The following KAZN variants were observed in gnomAD, a reference collection of about 807,000 sequenced individuals.
The protein encoded by KAZN is kazrin, periplakin interacting protein.
In KAZN, 40 loss-of-function variants were observed where a neutral mutation model predicts 87.4. The observed-to-expected ratio is 0.46, with a 90% CI of 0.36 to 0.60. The LOEUF (loss-of-function observed/expected upper bound fraction) is 0.60, where lower values mean the gene tolerates loss of function less well. KAZN is among the 20% of genes least tolerant of loss of function. The pLI is 0.00. For missense variants in KAZN, 898 were observed against 1,073.9 expected, an observed-to-expected ratio of 0.84 and a Z score of 2.29; for synonymous variants, 466 against 458.3, an observed-to-expected ratio of 1.02 and a Z score of -0.22.
intron 8 of KAZN, among the ~76,000 whole-genome samples, chr1:15,075,768 T>C (rs1341280244): frequency 6.6e-6 from 1 of 152,186 alleles, no homozygotes; most frequent in African/African-American, 2.4e-5. Context: ...CCCGACAGAT[T>C]GGCTTGGAAA....
intron 1 of KAZN, among the ~76,000 whole-genome samples, chr1:14,631,492 T>G (rs568739516): frequency 6.6e-6 from 1 of 152,196 alleles, no homozygotes; most frequent in Non-Finnish European, 1.5e-5. Context: ...ATGGCACTGC[T>G]GGTGAGTGGT....
intron 1 of KAZN, among the ~76,000 whole-genome samples, chr1:14,125,704 C>T (rs75586015): frequency 0.014 from 2,084 of 152,196 alleles, 58 homozygotes; most frequent in African/African-American, 0.047. Flanking sequence ...TGTTAAGTCA[C>T]CCAGTTTGGA....
intron 2 of KAZN, among the ~76,000 whole-genome samples, chr1:14,552,747 A>G (rs1434755533): frequency 1.3e-5 from 2 of 152,274 alleles, no homozygotes; most frequent in Middle Eastern, 3.4e-3. Context: ...GGTAAGAAGA[A>G]TTTCCCTTTA....
At chr1:14,387,364 G>A (rs140433813) in intron 2 of KAZN, among the ~76,000 whole-genome samples, 5,948 of 152,244 alleles carry the variant, frequency 0.039, 316 homozygotes, top group East Asian at 0.28. Context: ...GAGGAACTGC[G>A]TTCCTTTGGA....
At chr1:14,847,912 C>T (rs1006288206) in intron 1 of KAZN, among the ~76,000 whole-genome samples, 1 of 152,050 alleles carries the variant, frequency 6.6e-6, no homozygotes, top group Non-Finnish European at 1.5e-5. Context: ...CCCAGGAGTT[C>T]GAGGCTGCAG....
intron 1 of KAZN, among the ~76,000 whole-genome samples, chr1:14,638,850 T>C (rs1209710549): frequency 6.6e-6 from 1 of 152,124 alleles, no homozygotes; most frequent in East Asian, 1.9e-4. Context: ...TTCCACACTC[T>C]GCAGTCCCCC....
chr1:14,377,662 T>C (rs1300280617), intron 2 of KAZN, among the ~76,000 whole-genome samples: 1 of 152,176 alleles, frequency 6.6e-6, no homozygotes, highest in Admixed American at 6.5e-5. Flanking sequence ...CAAAATTTAA[T>C]GTCTGTTTAG....
At chr1:14,825,620 A>T (rs973892299) in intron 1 of KAZN, among the ~76,000 whole-genome samples, 56 of 152,176 alleles carry the variant, frequency 3.7e-4, no homozygotes, top group Non-Finnish European at 7.2e-4. Flanking sequence ...AGACTAAGTC[A>T]CTTGCCCAAG....
intron 2 of KAZN, among the ~76,000 whole-genome samples, chr1:14,386,897 C>A (rs1227114361): frequency 6.6e-6 from 1 of 152,194 alleles, no homozygotes; most frequent in African/African-American, 2.4e-5. Context: ...TGGATAATAT[C>A]CTGCAGAGTG....
intron 1 of KAZN, among the ~76,000 whole-genome samples, chr1:14,172,960 G>C (rs1205717871): frequency 6.6e-6 from 1 of 152,104 alleles, no homozygotes; most frequent in Non-Finnish European, 1.5e-5. Flanking sequence ...TTATATGGCA[G>C]CTTCTCCCAG....
At chr1:14,817,100 C>T (rs1237404798) in intron 1 of KAZN, among the ~76,000 whole-genome samples, 3 of 152,182 alleles carry the variant, frequency 2.0e-5, no homozygotes, top group Non-Finnish European at 4.4e-5. Context: ...ATTGTGACAA[C>T]CCTTCCTTCA....
At position 15,094,448 on chromosome 1, in the gene KAZN, G is replaced by C; in HGVS notation, c.1428+63G>C. 1 of 1,468,478 alleles carries C rather than the reference G, an allele frequency of 6.8e-7. No individual in the cohort carries two copies. The highest frequency in any genetic ancestry group is 9.3e-7 in the Non-Finnish European group (1 of 1,076,420). 91.0% of individuals were successfully genotyped at this position (1,468,478 alleles called of 1,614,324 possible). A position where few individuals can be genotyped will look rare whatever the true frequency, so the allele number is the denominator to read the frequency against. ...GCCCTCTGTGAGCTTTACGTACCCA[G>C]AAGCTGGCCTGCCCCCCACTCCTAC... is the stretch of plus-strand genomic sequence containing the variant. On this transcript the variant is annotated intron_variant, in intron 9 of 14. Coordinates refer to ENST00000376030, the MANE Select transcript of KAZN (RefSeq NM_201628.3). This position sits in a 1 kb window ranked among gnomAD's most constrained non-coding sequence, Gnocchi z 4.5.
In KAZN at chr1:14,845,474, G is replaced by T. The variant is rs576504752; in HGVS notation, c.227-115210G>T. Among the ~76,000 whole-genome samples, 5 of 151,012 alleles carry T rather than the reference G, an allele frequency of 3.3e-5. No homozygotes were observed. In the East Asian group the frequency reaches 9.9e-4, roughly 30 times the overall value. On this transcript the variant is annotated intron_variant, in intron 1 of 14. Coordinates refer to ENST00000376030, the MANE Select transcript of KAZN (RefSeq NM_201628.3). Reference sequence around the variant, plus strand: ...ATAGGTGGATGGATGACTGAGTGGTGGATGGATGGATGAGTAAGTGGGGGA... The same window carrying T: ...ATAGGTGGATGGATGACTGAGTGGTTGATGGATGGATGAGTAAGTGGGGGA...
chr1:13,893,398 T>G, exon 1 of KAZN: 1 of 372,352 alleles, frequency 2.7e-6, no homozygotes, highest in Non-Finnish European at 4.7e-6. Flanking sequence ...GAAACTTAGA[T>G]TTTTCTTTTG....
At chr1:15,045,415 A>G (rs981339186) in intron 4 of KAZN, among the ~76,000 whole-genome samples, 1 of 152,186 alleles carries the variant, frequency 6.6e-6, no homozygotes, top group Admixed American at 6.5e-5. Flanking sequence ...ATAATGGCAT[A>G]TGTAGTTGAC....
At chr1:14,384,577 G>A (rs1404638595) in intron 2 of KAZN, among the ~76,000 whole-genome samples, 1 of 152,164 alleles carries the variant, frequency 6.6e-6, no homozygotes. Flanking sequence ...AGATAATCAT[G>A]TGGTTTTTGT....
intron 1 of KAZN, among the ~76,000 whole-genome samples, chr1:14,029,574 C>T (rs1191708910): frequency 2.1e-5 from 3 of 145,328 alleles, no homozygotes; most frequent in African/African-American, 7.8e-5. Context: ...AATGGTAATG[C>T]CTAGGTTTTC....
At chr1:14,802,671 C>T (rs538506912) in intron 1 of KAZN, among the ~76,000 whole-genome samples, 3 of 152,232 alleles carry the variant, frequency 2.0e-5, no homozygotes, top group Non-Finnish European at 4.4e-5. Context: ...CCCGGCACCG[C>T]TGTTCACAGA....
chr1:14,430,376 A>G (rs561563581), intron 2 of KAZN, among the ~76,000 whole-genome samples: 1 of 152,178 alleles, frequency 6.6e-6, no homozygotes, highest in Non-Finnish European at 1.5e-5. Flanking sequence ...CAACACCTAG[A>G]ACAGAGTTTG....
Sources: gnomAD v4.1 joint callset for allele counts (sites outside exome capture counted in the v4.1 genomes callset) on GRCh38, gnomAD v4.1.1 for gene constraint, Gnocchi (gnomAD v3.1) non-coding constraint, MANE v1.5 for transcripts, NCBI Gene and HGNC (gene_info 2026-07-23, HGNC 2026-07-21) for gene names.